Variants in UNC13C observed in about 807,000 individuals in gnomAD.
The protein encoded by UNC13C is unc-13 homolog C.
In UNC13C, 174 loss-of-function variants were observed where a neutral mutation model predicts 245.4. That is an observed-to-expected ratio of 0.71 (90% CI 0.63 to 0.80). The LOEUF is 0.80. UNC13C is among the 30% of genes least tolerant of loss of function. UNC13C has a pLI of 0.00. For missense variants in UNC13C, 2,829 were observed against 2,602.9 expected (o/e 1.09, Z -1.89); for synonymous variants, 992 against 895.1 (o/e 1.11, Z -1.93).
chr15:54,169,823 T>C (rs75391046), intron 4 of UNC13C, among the ~76,000 whole-genome samples: 2,851 of 152,228 alleles, frequency 0.019, 74 homozygotes, highest in East Asian at 0.098. Flanking sequence ...CTATAGTTTA[T>C]ATTAGTTCCC....
intron 30 of UNC13C, among the ~76,000 whole-genome samples, chr15:54,570,241 A>G (rs1897694352): frequency 6.6e-6 from 1 of 152,152 alleles, no homozygotes; most frequent in Non-Finnish European, 1.5e-5. Flanking sequence ...CATATGCCAT[A>G]GATTCTTGCT....
chr15:54,571,660 A>T (rs1269602609), intron 30 of UNC13C, among the ~76,000 whole-genome samples: 1 of 152,236 alleles, frequency 6.6e-6, no homozygotes, highest in Non-Finnish European at 1.5e-5. Context: ...TATCAGTCAA[A>T]TATAAAGTAG....
intron 7 of UNC13C, 33 bp from the exon 8 acceptor site, chr15:54,250,192 G>A (rs771162969): frequency 6.3e-7 from 1 of 1,580,738 alleles, no homozygotes; most frequent in South Asian, 1.1e-5. Context: ...CACTGACTTG[G>A]CGGTGCATTG....
chr15:54,234,891 T>C, intron 4 of UNC13C, 139 bp from the exon 5 acceptor site: 1 of 700,776 alleles, frequency 1.4e-6, no homozygotes, highest in South Asian at 2.0e-5. Context: ...AGCTTGTATC[T>C]TTGCAGCTTT....
At chr15:53,871,811 C>T in the UNC13C span, among the ~76,000 whole-genome samples, 19 of 152,292 alleles carry the variant, frequency 1.2e-4, no homozygotes, top group African/African-American at 4.6e-4. Context: ...TCTGCTCCAA[C>T]ATCAAGCCTG....
intron 19 of UNC13C, among the ~76,000 whole-genome samples, chr15:54,433,305 C>A (rs975976640): frequency 1.3e-5 from 2 of 152,040 alleles, no homozygotes; most frequent in Non-Finnish European, 2.9e-5. Flanking sequence ...GGCCAATATC[C>A]CTGATGAACA....
intron 2 of UNC13C, among the ~76,000 whole-genome samples, chr15:54,058,943 G>A (rs1229907909): frequency 1.3e-5 from 2 of 152,120 alleles, no homozygotes; most frequent in Non-Finnish European, 2.9e-5. Context: ...AATAAATTAG[G>A]TATTGACGGG....
intron 17 of UNC13C, among the ~76,000 whole-genome samples, chr15:54,339,009 G>A (rs2141005912): frequency 6.6e-6 from 1 of 152,300 alleles, no homozygotes; most frequent in Non-Finnish European, 1.5e-5. Context: ...TGGGATTACA[G>A]GCATGAGCCA....
the UNC13C span, among the ~76,000 whole-genome samples, chr15:53,954,797 C>A: frequency 2.6e-5 from 4 of 152,082 alleles, no homozygotes; most frequent in African/African-American, 4.8e-5. Context: ...AAAGGAGAAG[C>A]TTTATATGAA....
intron 30 of UNC13C, among the ~76,000 whole-genome samples, chr15:54,595,356 G>C (rs1596639825): frequency 6.6e-6 from 1 of 152,078 alleles, no homozygotes; most frequent in Non-Finnish European, 1.5e-5. Context: ...TGGCACCCCA[G>C]AAACTCTCTT....
rs796527149 is a variant in UNC13C at position 54,542,564 on chromosome 15, C to A, written c.5697-4158C>A. ...AGTCCGGAATATCCTTGTTAATTTT[C>A]TGTCTCATTGATCTGTCTAATATTG... On this transcript the variant is annotated intron_variant, in intron 26 of 32. Coordinates refer to ENST00000260323, the MANE Select transcript of UNC13C (RefSeq NM_001080534.3). Among the ~76,000 whole-genome samples the A allele has an allele frequency of 7.9e-5, 12 of 152,252 alleles. 1 individual carries two copies. Among genetic ancestry groups the A allele is most frequent in the African/African-American group, 2.9e-4 (12 of 41,548 alleles).
At chr15:54,454,908 C>T (rs1168430229) in intron 19 of UNC13C, among the ~76,000 whole-genome samples, 5 of 151,700 alleles carry the variant, frequency 3.3e-5, no homozygotes, top group South Asian at 4.2e-4. Context: ...GATTTTAGTG[C>T]ACCCATCACG....
chr15:54,354,865 A>G (rs570327174), intron 17 of UNC13C, among the ~76,000 whole-genome samples: 98 of 152,358 alleles, frequency 6.4e-4, no homozygotes, highest in Non-Finnish European at 9.6e-4. Context: ...ATGTTGAGAT[A>G]TAATCCCCGA....
chr15:54,481,320 C>T (rs928640725), intron 19 of UNC13C, among the ~76,000 whole-genome samples: 2 of 152,092 alleles, frequency 1.3e-5, no homozygotes, highest in Admixed American at 1.3e-4. Context: ...ATGCTGGAGC[C>T]AGCAGTGGCA....
At chr15:54,521,235 G>A (rs1895203867) in intron 24 of UNC13C, among the ~76,000 whole-genome samples, 1 of 152,060 alleles carries the variant, frequency 6.6e-6, no homozygotes, top group South Asian at 2.1e-4. Flanking sequence ...TTTGGCCCCT[G>A]GTGAGATGGC....
In UNC13C at chr15:54,047,670, C is replaced by T. The variant is rs187376254; in HGVS notation, c.2983+31784C>T. Among the ~76,000 whole-genome samples, 212 of 152,132 alleles carry T rather than the reference C, an allele frequency of 1.4e-3. 1 individual carries two copies. The highest frequency in any genetic ancestry group is 3.6e-3 in the African/African-American group (149 of 41,520). On this transcript the variant is annotated intron_variant, in intron 2 of 32. Transcript: ENST00000260323. ...TCACGATAGATATTTGAGTTGTTTC[C>T]GCCTTTTGCTATTCAAGTAATGCTG...
chr15:53,877,459 C>G, the UNC13C span, among the ~76,000 whole-genome samples: 1 of 152,024 alleles, frequency 6.6e-6, no homozygotes, highest in African/African-American at 2.4e-5. Flanking sequence ...CAGCCAAAAC[C>G]TAGGTTAATA....
intron 4 of UNC13C, among the ~76,000 whole-genome samples, chr15:54,148,128 A>C (rs1396486796): frequency 6.6e-6 from 1 of 152,210 alleles, no homozygotes; most frequent in African/African-American, 2.4e-5. Flanking sequence ...ACAGAGAAAA[A>C]TGAAGAGACA....
At chr15:54,022,009 T>A (rs1405080236) in intron 2 of UNC13C, among the ~76,000 whole-genome samples, 1 of 152,240 alleles carries the variant, frequency 6.6e-6, no homozygotes, top group Non-Finnish European at 1.5e-5. Context: ...AGGTACAGTC[T>A]ATGATGGTCA....
Sources: allele counts gnomAD v4.1 joint callset (sites outside exome capture counted in the v4.1 genomes callset), GRCh38; gene constraint gnomAD v4.1.1; transcripts MANE v1.5; gene names NCBI Gene and HGNC (gene_info 2026-07-23, HGNC 2026-07-21).